TRPM2: variants seen among roughly 807,000 people sequenced by gnomAD.
TRPM2 encodes transient receptor potential cation channel subfamily M member 2.
TRPM2 carries 161 observed loss-of-function variants against 174.0 expected under a neutral mutation model. That is an observed-to-expected ratio of 0.93 (90% CI 0.81 to 1.05). The LOEUF (loss-of-function observed/expected upper bound fraction) is 1.05, where lower values mean the gene tolerates loss of function less well. Among genes scored for constraint, TRPM2 ranks in the 50% least tolerant of loss-of-function variants. The pLI is 0.00. For missense variants in TRPM2, 2,057 were observed against 2,038.0 expected (o/e 1.01, Z -0.18); for synonymous variants, 954 against 861.3 (o/e 1.11, Z -1.88).
chr21:44,414,204 C>T lies in TRPM2; in HGVS notation c.3146+130C>T. 3.3e-6 allele frequency: 4 copies of T among 1,220,824 alleles called. No individual in the cohort carries two copies. In the South Asian group the frequency reaches 4.0e-5, roughly 12 times the overall value. 75.6% of individuals were successfully genotyped at this position (1,220,824 alleles called of 1,614,324 possible). A position where few individuals can be genotyped will look rare whatever the true frequency, so the allele number is the denominator to read the frequency against. On this transcript the variant is annotated intron_variant, in intron 20 of 31. Coordinates refer to ENST00000397928, the MANE Select transcript of TRPM2 (RefSeq NM_003307.4). ...GGCTGGTGCACAGAGGCGCGTCACT[C>T]ATATCCTGGTGGAGTGTGCACAGCC... is the stretch of plus-strand genomic sequence containing the variant.
chr21:44,405,941 CCT>C lies in TRPM2; in HGVS notation c.2701_2702del (p.Leu901GlyfsTer17), dbSNP rs772997778. The C allele has an allele frequency of 2.5e-6, 4 of 1,607,402 alleles. No homozygotes were observed. Among genetic ancestry groups the C allele is most frequent in the Non-Finnish European group, 3.4e-6 (4 of 1,179,748 alleles). The stretch of plus-strand genomic sequence containing the variant: ...CGACGCTGTACCCCGGGCGCGTCAT[CCT>C]CTCTCTGGACTTCATCCTGTTCTGC... ...PATLYPGRVI[L>X]SLDFILFCLR... On this transcript the variant is annotated frameshift_variant, in exon 18 of 32. Transcript: ENST00000397928. LOFTEE classifies it high-confidence loss of function.
intron 26 of TRPM2, 48 bp downstream of exon 26, chr21:44,426,784 GCCT>G: frequency 6.2e-7 from 1 of 1,600,932 alleles, no homozygotes; most frequent in Non-Finnish European, 8.5e-7. Context: ...CAAACCCAGG[GCCT>G]CCTAGGGGCT....
In TRPM2 at chr21:44,406,766, G is replaced by A. The variant is rs767853305; in HGVS notation, c.2962+1G>A. On this transcript the variant is annotated splice_donor_variant, in intron 19 of 31. Coordinates refer to ENST00000397928, the MANE Select transcript of TRPM2 (RefSeq NM_003307.4). LOFTEE classifies it high-confidence loss of function. ...GGGCAGATCCCGGGCTACATCGACG[G>A]TAGGAGCCGGGCGCCATGGGAGCTC... The A allele has an allele frequency of 3.8e-6, 6 of 1,598,402 alleles. No homozygotes were observed. The highest frequency in any genetic ancestry group is 4.3e-6 in the Non-Finnish European group (5 of 1,174,622).
At position 44,397,988 on chromosome 21, in the gene TRPM2, C is replaced by A. The variant is rs2049485936; in HGVS notation, c.2062+112C>A. Reference sequence around the variant, plus strand: ...TGTGCCCTCACCCTGGGGTCCTCGTCCCTGGGCCTCAGCCCTGCACGCTTA... The same window carrying A: ...TGTGCCCTCACCCTGGGGTCCTCGTACCTGGGCCTCAGCCCTGCACGCTTA... On this transcript the variant is annotated intron_variant, in intron 13 of 31. Transcript: ENST00000397928. The A allele has an allele frequency of 1.5e-5, 20 of 1,308,456 alleles. No homozygotes were observed. The Admixed American group carries it at 2.9e-4, about 19-fold the overall frequency. The allele number at this position is 1,308,456 out of a possible 1,614,324, so 81.1% of individuals were successfully genotyped here.
At chr21:44,400,509 C>T in intron 15 of TRPM2, 138 bp downstream of exon 15, 1 of 769,482 alleles carries the variant, frequency 1.3e-6, no homozygotes, top group Non-Finnish European at 2.1e-6. Flanking sequence ...GATCCTGGGG[C>T]TGTAGAGATG....
intron 24 of TRPM2, chr21:44,425,254 C>T: frequency 2.4e-6 from 1 of 420,674 alleles, no homozygotes; most frequent in Non-Finnish European, 4.3e-6. Flanking sequence ...CAGACTGTGT[C>T]TGAACCTGGT....
rs57031573 is a variant in TRPM2 at position 44,362,348 on chromosome 21, CAAAAAAAAA to C, written c.255-1757_255-1749del. Reference sequence around the variant, plus strand: ...TGAAACCCCGTCTCTACTAAAAATACAAAAAAAAAAAAAAAAAGCCAGATGTGGTGATGG... The same window carrying C: ...TGAAACCCCGTCTCTACTAAAAATACAAAAAAAAGCCAGATGTGGTGATGG... On this transcript the variant is annotated intron_variant, in intron 2 of 31. Transcript: ENST00000397928. Among the ~76,000 whole-genome samples the C allele has an allele frequency of 2.2e-4, 20 of 89,288 alleles. 1 individual carries two copies. Among genetic ancestry groups the C allele is most frequent in the Admixed American group, 7.1e-4 (6 of 8,500 alleles). The allele number at this position is 89,288 out of a possible 152,430, so 58.6% of individuals were successfully genotyped here.
rs371590804 is a variant in TRPM2, at chr21:44,423,679, C to T, written c.3496C>T (p.Pro1166Ser). Residue 1166 changes from proline (P) to serine (S), a missense_variant, in exon 23 of 32, where the codon CCA becomes TCA. By Grantham distance (74) the Pro-to-Ser change is moderately conservative. Transcript: ENST00000397928. Reference sequence around the variant, plus strand: ...CATGGTGGACCTGCTGGACCTGGACCCACTGAAGAGGTCGGGCTCCATGGA... The same window carrying T: ...CATGGTGGACCTGCTGGACCTGGACTCACTGAAGAGGTCGGGCTCCATGGA... ...DAMVDLLDLDPLKRSGSMEQR... is the reference protein window; with the variant it reads ...DAMVDLLDLDSLKRSGSMEQR... The T allele has an allele frequency of 6.2e-7, 1 of 1,612,938 alleles. No homozygotes were observed. The highest frequency in any genetic ancestry group is 1.7e-5 in the Admixed American group (1 of 59,902).
chr21:44,381,721 A>G (rs2048884155), intron 8 of TRPM2, among the ~76,000 whole-genome samples: 1 of 152,120 alleles, frequency 6.6e-6, no homozygotes, highest in African/African-American at 2.4e-5. Context: ...AGCCTGGCCA[A>G]CATGGTGAAA....
chr21:44,429,170 A>C (rs1249162146), intron 27 of TRPM2, among the ~76,000 whole-genome samples: 1 of 151,470 alleles, frequency 6.6e-6, no homozygotes, highest in African/African-American at 2.4e-5. Context: ...CCTTCCCTAA[A>C]GTTTTATAAT....
intron 17 of TRPM2, 128 bp downstream of exon 17, chr21:44,405,388 T>C: frequency 7.1e-7 from 1 of 1,407,244 alleles, no homozygotes; most frequent in Non-Finnish European, 9.6e-7. Context: ...TGGATTGTCA[T>C]CTGTCCAATG....
intron 12 of TRPM2, among the ~76,000 whole-genome samples, chr21:44,397,157 G>T (rs2049454845): frequency 6.6e-6 from 1 of 151,688 alleles, no homozygotes; most frequent in African/African-American, 2.4e-5. Flanking sequence ...TCCTGCCTCA[G>T]CCTCCTGAGT....
In TRPM2 at chr21:44,405,893, C is replaced by T; in HGVS notation, c.2658-12C>T. 10 of 1,598,808 alleles carry T rather than the reference C, an allele frequency of 6.3e-6. No individual in the cohort carries two copies. Among genetic ancestry groups the T allele is most frequent in the Non-Finnish European group, 7.6e-6 (9 of 1,178,516 alleles). On this transcript the variant is annotated splice_polypyrimidine_tract_variant and intron_variant, in intron 17 of 31. Transcript: ENST00000397928. The stretch of plus-strand genomic sequence containing the variant: ...GGTGGCTGAGATGTGTGTGCTTCTG[C>T]CCGGCGGCCAGGCTCATCCCGGCGA...
intron 20 of TRPM2, chr21:44,416,680 G>C (rs1326116228): frequency 5.3e-6 from 1 of 188,032 alleles, no homozygotes; most frequent in African/African-American, 2.4e-5. Context: ...GGAATTGTGA[G>C]GTCTGTGGGC....
At chr21:44,402,619 C>T (rs1481837003) in intron 16 of TRPM2, among the ~76,000 whole-genome samples, 1 of 152,226 alleles carries the variant, frequency 6.6e-6, no homozygotes, top group Non-Finnish European at 1.5e-5. Context: ...ACTGTGGGAC[C>T]ACCTGGCATG....
At chr21:44,381,682 G>T (rs1024909350) in intron 8 of TRPM2, among the ~76,000 whole-genome samples, 3 of 152,222 alleles carry the variant, frequency 2.0e-5, no homozygotes. Context: ...TGATGCGGGT[G>T]GATCACTTGA....
chr21:44,352,732 C>T (rs1217507090), upstream of TRPM2, among the ~76,000 whole-genome samples: 1 of 152,212 alleles, frequency 6.6e-6, no homozygotes, highest in East Asian at 1.9e-4. Context: ...GGAGGGCAGT[C>T]ATCCGGTGGC....
intron 4 of TRPM2, 116 bp from the exon 5 acceptor site, chr21:44,369,061 C>T: frequency 8.7e-7 from 1 of 1,143,078 alleles, no homozygotes; most frequent in Non-Finnish European, 1.2e-6. Flanking sequence ...GAGTGAGGAG[C>T]TCTGCGTTGT....
At chr21:44,440,969 CG>C in intron 31 of TRPM2, 64 bp downstream of exon 31, 1 of 1,431,448 alleles carries the variant, frequency 7.0e-7, no homozygotes, top group Non-Finnish European at 9.8e-7. Flanking sequence ...GCGTGGCCTC[CG>C]GGGAGGGGGT....
Sources: allele counts gnomAD v4.1 joint callset (sites outside exome capture counted in the v4.1 genomes callset), GRCh38; gene constraint gnomAD v4.1.1; transcripts MANE v1.5; gene names NCBI Gene and HGNC (gene_info 2026-07-23, HGNC 2026-07-21).